The following BCLAF1 variants were observed in gnomAD, a reference collection of about 807,000 sequenced individuals.
BCLAF1 encodes bcl-2-associated transcription factor 1.
Under a neutral mutation model 99.5 loss-of-function variants are expected in BCLAF1, and 10 were observed. The observed-to-expected ratio is 0.10, with a 90% CI of 0.06 to 0.17. BCLAF1 has a LOEUF of 0.17. Ranked by LOEUF, BCLAF1 falls within the 10% of genes least tolerant of loss-of-function variation. BCLAF1 has a pLI of 1.00. For synonymous variants in BCLAF1, 255 were observed against 370.9 expected, an observed-to-expected ratio of 0.69 and a Z score of 3.59; for missense variants, 636 against 1,105.8, an observed-to-expected ratio of 0.58 and a Z score of 6.02.
intron 6 of BCLAF1, chr6:136,273,838 A>T: frequency 2.2e-6 from 1 of 463,214 alleles, no homozygotes; most frequent in Non-Finnish European, 3.0e-6. Flanking sequence ...ATTATTTTTA[A>T]AACCAGTTCA....
At chr6:136,283,181 A>AG (rs1378734513) in intron 1 of BCLAF1, among the ~76,000 whole-genome samples, 1 of 134,986 alleles carries the variant, frequency 7.4e-6, no homozygotes, top group East Asian at 2.4e-4. Flanking sequence ...CCCATCTCAA[A>AG]AAAAAAAAAA....
At chr6:136,272,991 T>C (rs1782744911) in intron 7 of BCLAF1, 91 bp downstream of exon 7, 2 of 839,988 alleles carry the variant, frequency 2.4e-6, no homozygotes, top group African/African-American at 1.7e-5. Flanking sequence ...CTTGTATCAA[T>C]GACAAAAACA....
chr6:136,288,750 G>C (rs1026953558), intron 1 of BCLAF1, among the ~76,000 whole-genome samples: 4 of 152,184 alleles, frequency 2.6e-5, no homozygotes, highest in Admixed American at 2.6e-4. Context: ...AGCGAATCAA[G>C]CCAACTCATG....
chr6:136,265,279 C>G (rs530676070), intron 11 of BCLAF1, among the ~76,000 whole-genome samples: 53 of 152,200 alleles, frequency 3.5e-4, no homozygotes, highest in African/African-American at 1.3e-3. Context: ...TTCTCTAAAT[C>G]TGAATTACCA....
At chr6:136,288,641 CTTAAT>C (rs1199175119) in intron 1 of BCLAF1, among the ~76,000 whole-genome samples, 1 of 152,318 alleles carries the variant, frequency 6.6e-6, no homozygotes, top group African/African-American at 2.4e-5. Context: ...CAACTTCAGT[CTTAAT>C]TTGTTTCCAG....
intron 6 of BCLAF1, among the ~76,000 whole-genome samples, chr6:136,275,109 T>C (rs1783083579): frequency 6.6e-6 from 1 of 152,110 alleles, no homozygotes; most frequent in Admixed American, 6.6e-5. Flanking sequence ...TGAAAAGAAA[T>C]TCTTAGAAAT....
intron 12 of BCLAF1, 29 bp downstream of exon 12, chr6:136,261,236 T>G: frequency 6.2e-7 from 1 of 1,602,664 alleles, no homozygotes; most frequent in Non-Finnish European, 8.5e-7. Context: ...AAAAAAAATC[T>G]GTCAGAATCA....
intron 1 of BCLAF1, among the ~76,000 whole-genome samples, 195 bp downstream of exon 1, chr6:136,289,518 C>A (rs1026609901): frequency 3.3e-5 from 5 of 152,248 alleles, no homozygotes; most frequent in Admixed American, 2.6e-4. Context: ...CTCAGCGCCC[C>A]CGCCCGGCCT....
intron 1 of BCLAF1, among the ~76,000 whole-genome samples, chr6:136,284,130 G>GTGTGTGTATA (rs36141174): frequency 2.5e-5 from 3 of 122,102 alleles, no homozygotes; most frequent in African/African-American, 1.2e-4. Context: ...GTGTGTGTGT[G>GTGTGTGTATA]TATATATATA....
At chr6:136,264,825 T>TC (rs1781496953) in intron 11 of BCLAF1, among the ~76,000 whole-genome samples, 1 of 152,144 alleles carries the variant, frequency 6.6e-6, no homozygotes, top group African/African-American at 2.4e-5. Context: ...CTGTGGCAAA[T>TC]CAATGTTTAT....
intron 6 of BCLAF1, 72 bp from the exon 7 acceptor site, chr6:136,273,259 G>A: frequency 7.9e-7 from 1 of 1,267,840 alleles, no homozygotes; most frequent in Non-Finnish European, 1.1e-6. Flanking sequence ...TGACAGAAGG[G>A]CATGTAGCAG....
intron 1 of BCLAF1, among the ~76,000 whole-genome samples, chr6:136,285,977 A>T (rs1307204429): frequency 6.6e-6 from 1 of 152,136 alleles, no homozygotes; most frequent in Non-Finnish European, 1.5e-5. Flanking sequence ...GCACGCCCAT[A>T]GTCCCAAGGT....
intron 1 of BCLAF1, among the ~76,000 whole-genome samples, chr6:136,288,115 CAAG>C (rs1265213704): frequency 6.6e-6 from 1 of 152,226 alleles, no homozygotes; most frequent in Non-Finnish European, 1.5e-5. Context: ...TCCTCAAAGT[CAAG>C]AAGGGCTCTG....
chr6:136,272,713 T>C (rs555777928), intron 7 of BCLAF1, among the ~76,000 whole-genome samples: 1 of 152,076 alleles, frequency 6.6e-6, no homozygotes, highest in Admixed American at 6.6e-5. Context: ...CACAACTATC[T>C]GACTTCAATG....
chr6:136,268,433 A>C lies in BCLAF1; in HGVS notation c.2220-94T>G. 4.6e-6 allele frequency: 5 copies of C among 1,079,150 alleles called. No homozygotes were observed. The African/African-American group carries it at 7.9e-5, about 17-fold the overall frequency. The allele number at this position is 1,079,150 out of a possible 1,614,324, so 66.8% of individuals were successfully genotyped here. On this transcript the variant is annotated intron_variant, in intron 9 of 12. Coordinates refer to ENST00000531224, the MANE Select transcript of BCLAF1 (RefSeq NM_014739.3). ...AGAAGAGATATTTTTCAAGTCAACA[A>C]CACTATCCCCTAATAAAATTATGTA...
chr6:136,275,395 C>A, intron 6 of BCLAF1, 137 bp downstream of exon 6: 1 of 822,420 alleles, frequency 1.2e-6, no homozygotes, highest in Non-Finnish European at 1.7e-6. Flanking sequence ...TTCTATGAAA[C>A]TACTTTTCCA....
intron 11 of BCLAF1, among the ~76,000 whole-genome samples, chr6:136,263,952 A>G (rs1228725871): frequency 1.3e-5 from 2 of 152,218 alleles, no homozygotes; most frequent in Non-Finnish European, 1.5e-5. Context: ...ATAACTCAGT[A>G]TTGGACAACA....
rs778907390 is a variant in BCLAF1 at position 136,279,866 on chromosome 6, TTTC to T, written c.-3_-1del. 8 of 1,505,158 alleles carry T rather than the reference TTTC, an allele frequency of 5.3e-6. No individual in the cohort carries two copies. In the African/African-American group the frequency reaches 5.5e-5, roughly 10 times the overall value. 93.2% of individuals were successfully genotyped at this position (1,505,158 alleles called of 1,614,324 possible). ...TGTGATCTAGAATTGGAGCGACCCA[TTTC>T]TTTTCTCCTAATCAAATGATAGGGC... On this transcript the variant is annotated 5_prime_UTR_variant, in exon 3 of 13. Coordinates refer to ENST00000531224, the MANE Select transcript of BCLAF1 (RefSeq NM_014739.3).
chr6:136,277,824 AAAAC>A (rs1461333826), intron 4 of BCLAF1, 37 bp downstream of exon 4: 1 of 1,559,330 alleles, frequency 6.4e-7, no homozygotes, highest in Non-Finnish European at 8.7e-7. Context: ...TCAAAGAACA[AAAAC>A]AATATTATAA....
Sources: gnomAD v4.1 joint callset for allele counts (sites outside exome capture counted in the v4.1 genomes callset) on GRCh38, gnomAD v4.1.1 for gene constraint, MANE v1.5 for transcripts, NCBI Gene and HGNC (gene_info 2026-07-23, HGNC 2026-07-21) for gene names.